SEC24D: variants seen among roughly 807,000 people sequenced by gnomAD.
SEC24D encodes the protein protein transport protein Sec24D.
A neutral mutation model predicts 116.9 loss-of-function variants in SEC24D; 69 were observed. The observed-to-expected ratio is 0.59, with a 90% CI of 0.49 to 0.72. SEC24D has a LOEUF of 0.72. Ranked by LOEUF, SEC24D falls within the 30% of genes least tolerant of loss-of-function variation. The pLI is 0.00. For synonymous variants in SEC24D, 405 were observed against 442.8 expected, an observed-to-expected ratio of 0.91 and a Z score of 1.07; for missense variants, 1,131 against 1,264.1, an observed-to-expected ratio of 0.89 and a Z score of 1.60.
At chr4:118,831,712 G>A (rs1464761381) in intron 2 of SEC24D, among the ~76,000 whole-genome samples, 2 of 151,928 alleles carry the variant, frequency 1.3e-5, no homozygotes, top group African/African-American at 2.4e-5. Context: ...CAAAAGACTG[G>A]ATACCCCTGG....
At chr4:118,743,143 T>C (rs570637446) in intron 15 of SEC24D, among the ~76,000 whole-genome samples, 35 of 152,240 alleles carry the variant, frequency 2.3e-4, no homozygotes, top group Non-Finnish European at 4.1e-4. Context: ...GTGTAATGAA[T>C]TGATCCCTAA....
intron 17 of SEC24D, among the ~76,000 whole-genome samples, chr4:118,739,967 C>T (rs901949593): frequency 7.9e-5 from 12 of 152,204 alleles, no homozygotes; most frequent in African/African-American, 1.2e-4. Context: ...CATCGTATTA[C>T]GGGCTGAACT....
rs1731081394 is a variant in SEC24D at position 118,835,996 on chromosome 4, T to G, written c.-97A>C. 1 of 152,242 alleles carries G rather than the reference T, an allele frequency of 6.6e-6. No individual in the cohort carries two copies. The highest frequency in any genetic ancestry group is 2.4e-5 in the African/African-American group (1 of 41,436). 9.4% of individuals were successfully genotyped at this position (152,242 alleles called of 1,614,324 possible). Reference sequence around the variant, plus strand: ...CGAGCGCTGGCGGCTCTGCGCCTAGTGCCGGCAGCCCTCGGTGGCCGGGCT... The same window carrying G: ...CGAGCGCTGGCGGCTCTGCGCCTAGGGCCGGCAGCCCTCGGTGGCCGGGCT... On this transcript the variant is annotated 5_prime_UTR_variant, in exon 1 of 23. Transcript: ENST00000280551.
intron 12 of SEC24D, 75 bp from the exon 13 acceptor site, chr4:118,752,164 C>T (rs999550006): frequency 1.3e-5 from 12 of 952,062 alleles, no homozygotes; most frequent in African/African-American, 1.6e-5. Flanking sequence ...AAATCACTAA[C>T]ATTTCAAGCC....
At chr4:118,801,210 T>C (rs545214139) in intron 7 of SEC24D, among the ~76,000 whole-genome samples, 42 of 148,978 alleles carry the variant, frequency 2.8e-4, no homozygotes, top group South Asian at 8.4e-4. Flanking sequence ...TGCAGTGAGC[T>C]GAGATCGCGC....
chr4:118,738,504 A>C (rs1373808277), intron 18 of SEC24D, 125 bp from the exon 19 acceptor site: 3 of 712,500 alleles, frequency 4.2e-6, no homozygotes, highest in African/African-American at 3.6e-5. Flanking sequence ...ATAGCATTTA[A>C]ATCTGTTCAA....
At chr4:118,767,376 G>A (rs1045404002) in intron 9 of SEC24D, among the ~76,000 whole-genome samples, 8 of 152,218 alleles carry the variant, frequency 5.3e-5, no homozygotes, top group African/African-American at 1.7e-4. Context: ...CAGGCAGACA[G>A]TGCTATATGT....
chr4:118,785,924 G>C (rs1412724329), intron 8 of SEC24D, among the ~76,000 whole-genome samples: 2 of 152,024 alleles, frequency 1.3e-5, no homozygotes, highest in Admixed American at 6.6e-5. Context: ...CCAAAATCAA[G>C]ATAAGATTAA....
intron 15 of SEC24D, among the ~76,000 whole-genome samples, chr4:118,741,674 G>C (rs1221381092): frequency 2.6e-5 from 4 of 152,276 alleles, no homozygotes; most frequent in South Asian, 4.1e-4. Flanking sequence ...ACTACTACTT[G>C]ACACATAGGA....
intron 3 of SEC24D, among the ~76,000 whole-genome samples, chr4:118,819,922 C>T (rs1730325318): frequency 6.6e-6 from 1 of 152,152 alleles, no homozygotes; most frequent in Non-Finnish European, 1.5e-5. Context: ...TTACTTTCAA[C>T]TCATAAATGC....
intron 8 of SEC24D, among the ~76,000 whole-genome samples, chr4:118,779,168 T>A (rs1033252722): frequency 6.6e-6 from 1 of 152,150 alleles, no homozygotes; most frequent in African/African-American, 2.4e-5. Flanking sequence ...AGAGGGCATC[T>A]CTGTCTTGTG....
chr4:118,815,999 G>A (rs936688667), intron 4 of SEC24D, among the ~76,000 whole-genome samples: 1 of 151,484 alleles, frequency 6.6e-6, no homozygotes, highest in African/African-American at 2.4e-5. Context: ...ATGGACCACT[G>A]TAGCCTCAAC....
At chr4:118,738,089 T>TAA (rs577051087) in intron 19 of SEC24D, 172 bp downstream of exon 19, 1,009 of 442,830 alleles carry the variant, frequency 2.3e-3, no homozygotes, top group Middle Eastern at 3.2e-3. Flanking sequence ...ATGTTGGCTA[T>TAA]AAAAAAAAAA....
intron 13 of SEC24D, among the ~76,000 whole-genome samples, chr4:118,748,997 C>A (rs559545614): frequency 6.6e-6 from 1 of 152,068 alleles, no homozygotes; most frequent in South Asian, 2.1e-4. Context: ...CCACTAAAGG[C>A]CATTTTCTTC....
chr4:118,737,691 C>G (rs772154125), intron 19 of SEC24D, among the ~76,000 whole-genome samples: 7 of 152,064 alleles, frequency 4.6e-5, no homozygotes, highest in Non-Finnish European at 8.8e-5. Context: ...TGAGGTTCTG[C>G]TTTTCCTTTT....
Position 118,723,424 on chromosome 4 carries a change from T to A in SEC24D, c.*91A>T. On this transcript the variant is annotated 3_prime_UTR_variant, in exon 23 of 23. Transcript: ENST00000280551. ...AGTTATTCTGAAAATGAGCAAGAAATCAAAACTAGCCTATTATCATCTAGA... is the reference window on the plus strand; with the variant it reads ...AGTTATTCTGAAAATGAGCAAGAAAACAAAACTAGCCTATTATCATCTAGA... 1 of 1,324,290 alleles carries A rather than the reference T, an allele frequency of 7.6e-7. No individual in the cohort carries two copies. The highest frequency in any genetic ancestry group is 1.4e-5 in the South Asian group (1 of 69,064). 82.0% of individuals were successfully genotyped at this position (1,324,290 alleles called of 1,614,324 possible). A position where few individuals can be genotyped will look rare whatever the true frequency, so the allele number is the denominator to read the frequency against.
intron 2 of SEC24D, among the ~76,000 whole-genome samples, chr4:118,832,127 C>T (rs1402572525): frequency 2.0e-5 from 3 of 151,998 alleles, no homozygotes; most frequent in African/African-American, 7.2e-5. Context: ...CACTAGAACC[C>T]AGGAGGCTGA....
rs867832287 is a variant in SEC24D at position 118,810,120 on chromosome 4, G to T, written c.802-4166C>A. On this transcript the variant is annotated intron_variant, in intron 6 of 22. Transcript: ENST00000280551. ...TGTGTGTGTGTGTGTGTGTGTGTGT[G>T]TGTGTGTGTGTGTGTGTCAGAGGGT... Among the ~76,000 whole-genome samples, 406 of 145,060 alleles carry T rather than the reference G, an allele frequency of 2.8e-3. 7 individuals are homozygous for T. The highest frequency in any genetic ancestry group is 0.01 in the African/African-American group (387 of 37,988).
chr4:118,756,336 C>A (rs1727091175), intron 11 of SEC24D, among the ~76,000 whole-genome samples: 1 of 152,130 alleles, frequency 6.6e-6, no homozygotes, highest in East Asian at 1.9e-4. Flanking sequence ...ATGCCACCAT[C>A]TTCAACTTGC....
Sources: allele counts gnomAD v4.1 joint callset (sites outside exome capture counted in the v4.1 genomes callset), GRCh38; gene constraint gnomAD v4.1.1; transcripts MANE v1.5; gene names NCBI Gene and HGNC (gene_info 2026-07-23, HGNC 2026-07-21).